The following UTRN variants were observed in gnomAD, a reference collection of about 807,000 sequenced individuals.
UTRN encodes dystrophin-related protein 1.
Under a neutral mutation model 463.9 loss-of-function variants are expected in UTRN, and 283 were observed. The observed-to-expected ratio is 0.61, with a 90% CI of 0.55 to 0.67. UTRN has a LOEUF of 0.67. UTRN is among the 30% of genes least tolerant of loss of function. UTRN has a pLI of 0.00. For missense variants in UTRN, 3,922 were observed against 4,084.3 expected, an observed-to-expected ratio of 0.96 and a Z score of 1.08; for synonymous variants, 1,442 against 1,431.5, an observed-to-expected ratio of 1.01 and a Z score of -0.17.
intron 51 of UTRN, among the ~76,000 whole-genome samples, chr6:144,678,032 C>T (rs184626634): frequency 1.3e-5 from 2 of 152,090 alleles, no homozygotes; most frequent in African/African-American, 4.8e-5. Context: ...CAGAAATTTT[C>T]TCCCATTCTG....
chr6:144,565,870 G>T (rs148702591), intron 50 of UTRN, among the ~76,000 whole-genome samples: 1 of 152,256 alleles, frequency 6.6e-6, no homozygotes, highest in African/African-American at 2.4e-5. Context: ...GAGGGACAGA[G>T]ATTTTAGGTA....
At chr6:144,321,769 C>CT (rs59340673) in intron 2 of UTRN, among the ~76,000 whole-genome samples, 1,629 of 135,480 alleles carry the variant, frequency 0.012, 17 homozygotes, top group Non-Finnish European at 0.015. Flanking sequence ...TGTGCCTGGC[C>CT]TTTTTTTTTT....
chr6:144,522,127 A>G lies in UTRN; in HGVS notation c.5689A>G (p.Thr1897Ala), dbSNP rs75480843. 1.9e-6 allele frequency: 3 copies of G among 1,564,734 alleles called. No individual in the cohort carries two copies. In the Admixed American group the frequency reaches 5.6e-5, roughly 29 times the overall value. ...ELSLNVPELNTAIYEDFSFQE... is the reference protein window; with the variant it reads ...ELSLNVPELNAAIYEDFSFQE... ...ATCGCTTAATGTTCCAGAGCTCAAC[A>G]CTGCTATTTACGAAGACTTCTCTTT... The change falls in exon 40 of 75, where the codon ACT becomes GCT. Residue 1897 changes from threonine (T) to alanine (A), a missense_variant. By Grantham distance (58) the Thr-to-Ala change is moderately conservative. Transcript: ENST00000367545.
chr6:144,513,320 A>G (rs574839219), intron 35 of UTRN, among the ~76,000 whole-genome samples: 57 of 152,332 alleles, frequency 3.7e-4, no homozygotes, highest in African/African-American at 1.2e-3. Flanking sequence ...TGGGAGGCTG[A>G]GGAAGGTGGA....
At chr6:144,754,975 T>G (rs1400159123) in intron 57 of UTRN, among the ~76,000 whole-genome samples, 177 bp downstream of exon 57, 1 of 152,188 alleles carries the variant, frequency 6.6e-6, no homozygotes, top group Non-Finnish European at 1.5e-5. Flanking sequence ...AATAACGTAA[T>G]GACAACTGAG....
chr6:144,464,331 A>G (rs1562440557), intron 23 of UTRN, among the ~76,000 whole-genome samples: 1 of 152,074 alleles, frequency 6.6e-6, no homozygotes, highest in Non-Finnish European at 1.5e-5. Flanking sequence ...TGATCAGCAG[A>G]AGATACAGAT....
chr6:144,490,928 G>T lies in UTRN; in HGVS notation c.4264-1G>T. 1.3e-6 allele frequency: 2 copies of T among 1,584,770 alleles called. No individual in the cohort carries two copies. Among genetic ancestry groups the T allele is most frequent in the South Asian group, 1.1e-5 (1 of 87,532 alleles). ...TTGCATATTTTCATTTCTGCAAACA[G>T]AGGAAACTCCGAGAGGTGTCCACAA... On this transcript the variant is annotated splice_acceptor_variant, in intron 31 of 74. Coordinates refer to ENST00000367545, the MANE Select transcript of UTRN (RefSeq NM_007124.3). LOFTEE classifies it high-confidence loss of function.
At chr6:144,488,421 G>T (rs955140679) in intron 29 of UTRN, among the ~76,000 whole-genome samples, 1 of 151,958 alleles carries the variant, frequency 6.6e-6, no homozygotes, top group African/African-American at 2.4e-5. Flanking sequence ...TGCATCTTAT[G>T]GGAAACCTTT....
At chr6:144,819,705 A>G (rs1159753362) in intron 65 of UTRN, among the ~76,000 whole-genome samples, 1 of 152,180 alleles carries the variant, frequency 6.6e-6, no homozygotes. Flanking sequence ...AAAAATAAAA[A>G]AAGTTTCTGT....
At chr6:144,500,569 C>T (rs1794082705) in intron 34 of UTRN, among the ~76,000 whole-genome samples, 2 of 152,104 alleles carry the variant, frequency 1.3e-5, no homozygotes, top group Admixed American at 6.5e-5. Flanking sequence ...ACTTAAAAGC[C>T]TAATTCACCA....
intron 56 of UTRN, among the ~76,000 whole-genome samples, chr6:144,754,184 C>G (rs976430629): frequency 6.6e-6 from 1 of 151,922 alleles, no homozygotes; most frequent in African/African-American, 2.4e-5. Flanking sequence ...CATTTGCTCC[C>G]CATAACACTT....
rs1585895554 is a variant in UTRN at position 144,669,335 on chromosome 6, C to A, written c.7480-9071C>A. Among the ~76,000 whole-genome samples, 4 of 152,194 alleles carry A rather than the reference C, an allele frequency of 2.6e-5. No homozygotes were observed. The South Asian group carries it at 8.3e-4, about 32-fold the overall frequency. ...GTAATCCTCTTCTATAGAGGTTACA[C>A]TATTTTTGTTTATTTTTGTAGTCCT... is the stretch of plus-strand genomic sequence containing the variant. On this transcript the variant is annotated intron_variant, in intron 51 of 74. Coordinates refer to ENST00000367545, the MANE Select transcript of UTRN (RefSeq NM_007124.3).
Position 144,730,373 on chromosome 6 carries a change from TA to T in UTRN, c.7829del (p.Lys2610ArgfsTer8). On this transcript the variant is annotated frameshift_variant, in exon 54 of 75. Coordinates refer to ENST00000367545, the MANE Select transcript of UTRN (RefSeq NM_007124.3). LOFTEE classifies it high-confidence loss of function. ...YDHCKALRRE[L>X]KEKEYSVLNA... ...TTTTGAAAGGCCCTGAGACGGGAGT[TA>T]AAGGAGAAAGAATATTCTGTCCTGA... 1 of 1,605,966 alleles carries T rather than the reference TA, an allele frequency of 6.2e-7. No homozygotes were observed. Among genetic ancestry groups the T allele is most frequent in the Non-Finnish European group, 8.5e-7 (1 of 1,175,892 alleles).
chr6:144,546,274 G>A (rs1798397253), intron 46 of UTRN, among the ~76,000 whole-genome samples: 1 of 152,106 alleles, frequency 6.6e-6, no homozygotes, highest in Non-Finnish European at 1.5e-5. Context: ...CACTGGCTGT[G>A]TGTAATGGGT....
chr6:144,730,653 C>A (rs1330481223), intron 54 of UTRN, among the ~76,000 whole-genome samples, 167 bp downstream of exon 54: 1 of 151,872 alleles, frequency 6.6e-6, no homozygotes, highest in Non-Finnish European at 1.5e-5. Context: ...TATCTAGATT[C>A]TTAAATTAAG....
rs1801068101 is a variant in UTRN, at chr6:144,572,740, T to C, written c.7290-4359T>C. Among the ~76,000 whole-genome samples the C allele has an allele frequency of 2.0e-5, 3 of 152,240 alleles. No individual in the cohort carries two copies. In the South Asian group the frequency reaches 6.2e-4, roughly 32 times the overall value. On this transcript the variant is annotated intron_variant, in intron 50 of 74. Transcript: ENST00000367545. ...AAGGACATGAACTCATTCTTTTTTA[T>C]GGCTGCATAGTATTCCATGTTGTAT...
chr6:144,691,684 A>T (rs1783432354), intron 52 of UTRN, among the ~76,000 whole-genome samples: 1 of 152,108 alleles, frequency 6.6e-6, no homozygotes, highest in Admixed American at 6.5e-5. Flanking sequence ...TCCAATGTCC[A>T]TACTCTCTCT....
At chr6:144,683,798 T>C (rs1248797803) in intron 52 of UTRN, among the ~76,000 whole-genome samples, 4 of 151,936 alleles carry the variant, frequency 2.6e-5, no homozygotes, top group Admixed American at 6.6e-5. Context: ...ACGGCCTGAA[T>C]ACCAGCCATA....
intron 53 of UTRN, among the ~76,000 whole-genome samples, chr6:144,701,350 C>T (rs1784576286): frequency 6.6e-6 from 1 of 151,464 alleles, no homozygotes; most frequent in Non-Finnish European, 1.5e-5. Context: ...CAGATGAAGA[C>T]CATACTATTT....
Sources: gnomAD v4.1 joint callset for allele counts (sites outside exome capture counted in the v4.1 genomes callset) on GRCh38, gnomAD v4.1.1 for gene constraint, MANE v1.5 for transcripts, NCBI Gene and HGNC (gene_info 2026-07-23, HGNC 2026-07-21) for gene names.